The following SH3PXD2A variants were observed in gnomAD, a reference collection of about 807,000 sequenced individuals.
SH3PXD2A encodes the protein SH3 and PX domain-containing protein 2A.
Under a neutral mutation model 115.2 loss-of-function variants are expected in SH3PXD2A, and 32 were observed. That is an observed-to-expected ratio of 0.28 (90% CI 0.21 to 0.37). The LOEUF (loss-of-function observed/expected upper bound fraction) is 0.37, where lower values mean the gene tolerates loss of function less well. SH3PXD2A is among the 10% of genes least tolerant of loss of function. The pLI, the probability that SH3PXD2A is intolerant of heterozygous loss-of-function variation, is 1.00. For synonymous variants in SH3PXD2A, 610 were observed against 629.1 expected (o/e 0.97, Z 0.45); for missense variants, 1,328 against 1,498.7 (o/e 0.89, Z 1.88).
At chr10:103,690,326 A>G (rs550687117) in intron 6 of SH3PXD2A, among the ~76,000 whole-genome samples, 1 of 152,340 alleles carries the variant, frequency 6.6e-6, no homozygotes, top group East Asian at 1.9e-4. Context: ...TGAGGTGTGT[A>G]TTAGTCAGTG....
At chr10:103,826,115 A>C (rs2039428406) in intron 1 of SH3PXD2A, among the ~76,000 whole-genome samples, 1 of 152,174 alleles carries the variant, frequency 6.6e-6, no homozygotes. Context: ...AAGTATTGTC[A>C]GCAAGTTTTC....
rs923601658 is a variant in SH3PXD2A at position 103,612,705 on chromosome 10, A to G, written c.1258+148T>C. On this transcript the variant is annotated intron_variant, in intron 12 of 14. Coordinates refer to ENST00000369774, the MANE Select transcript of SH3PXD2A (RefSeq NM_001394015.1). ...CCACTCCTGTGATGAGCATGACACA[A>G]GTTGACAGAGTGAGGGTCAAAGGCC... The G allele has an allele frequency of 2.1e-5, 12 of 571,456 alleles. No homozygotes were observed. The East Asian group carries it at 2.7e-4, about 13-fold the overall frequency. 35.4% of individuals were successfully genotyped at this position (571,456 alleles called of 1,614,324 possible). A position where few individuals can be genotyped will look rare whatever the true frequency, so the allele number is the denominator to read the frequency against.
intron 3 of SH3PXD2A, among the ~76,000 whole-genome samples, chr10:103,752,612 A>C (rs1437354927): frequency 6.6e-6 from 1 of 152,222 alleles, no homozygotes; most frequent in Non-Finnish European, 1.5e-5. Flanking sequence ...TCCCTCACCA[A>C]GTTTTAGGAA....
At position 103,661,722 on chromosome 10, in the gene SH3PXD2A, C is replaced by A. The variant is rs1026196590; in HGVS notation, c.473-608G>T. On this transcript the variant is annotated intron_variant, in intron 7 of 14. Coordinates refer to ENST00000369774, the MANE Select transcript of SH3PXD2A (RefSeq NM_001394015.1). ...AGCTTCTCCACGGCCCAGGCCCAGG[C>A]GAGGAGTCAAGAGGGTTTGAGGCCG... 8 of 985,088 alleles carry A rather than the reference C, an allele frequency of 8.1e-6. No individual in the cohort carries two copies. The East Asian group carries it at 3.4e-4, about 42-fold the overall frequency. The allele number at this position is 985,088 out of a possible 1,614,324, so 61.0% of individuals were successfully genotyped here.
chr10:103,823,642 A>G (rs893550566), intron 1 of SH3PXD2A, among the ~76,000 whole-genome samples: 2 of 152,228 alleles, frequency 1.3e-5, no homozygotes, highest in African/African-American at 2.4e-5. Flanking sequence ...GACTTGCCCA[A>G]GGTCACACAG....
intron 2 of SH3PXD2A, among the ~76,000 whole-genome samples, chr10:103,782,553 C>A (rs537624250): frequency 1.8e-4 from 28 of 152,300 alleles, no homozygotes; most frequent in African/African-American, 6.5e-4. Context: ...ATTCATTCAA[C>A]AATGATTTCC....
chr10:103,667,177 G>GT (rs1234410538), intron 7 of SH3PXD2A, among the ~76,000 whole-genome samples: 1 of 152,138 alleles, frequency 6.6e-6, no homozygotes, highest in East Asian at 1.9e-4. Context: ...GTCTGGCTGG[G>GT]TTTTCCCCCA....
intron 3 of SH3PXD2A, among the ~76,000 whole-genome samples, chr10:103,745,006 A>T (rs141843720): frequency 3.9e-5 from 6 of 152,190 alleles, no homozygotes; most frequent in Non-Finnish European, 7.3e-5. Flanking sequence ...TCTGGGGCTG[A>T]TCATTAAGTA....
intron 10 of SH3PXD2A, among the ~76,000 whole-genome samples, chr10:103,618,998 G>C (rs2036562975): frequency 6.6e-6 from 1 of 152,230 alleles, no homozygotes; most frequent in Non-Finnish European, 1.5e-5. Flanking sequence ...TGTGAAGACA[G>C]AACTGATGGG....
chr10:103,771,195 T>G (rs990867702), intron 2 of SH3PXD2A, among the ~76,000 whole-genome samples: 2 of 152,190 alleles, frequency 1.3e-5, no homozygotes, highest in Non-Finnish European at 2.9e-5. Flanking sequence ...TCACCCAAGG[T>G]GCTATATCTC....
At chr10:103,781,533 C>A (rs1379061444) in intron 2 of SH3PXD2A, among the ~76,000 whole-genome samples, 1 of 152,184 alleles carries the variant, frequency 6.6e-6, no homozygotes, top group African/African-American at 2.4e-5. Context: ...CAGCAGTTAG[C>A]CTGCCCTGAC....
chr10:103,826,369 C>G (rs548207389), intron 1 of SH3PXD2A, among the ~76,000 whole-genome samples: 1 of 152,190 alleles, frequency 6.6e-6, no homozygotes, highest in Non-Finnish European at 1.5e-5. Flanking sequence ...AACCCAGATG[C>G]ATGTCCAGGT....
At chr10:103,793,334 T>C (rs1348294063) in intron 2 of SH3PXD2A, among the ~76,000 whole-genome samples, 4 of 152,236 alleles carry the variant, frequency 2.6e-5, no homozygotes, top group Non-Finnish European at 4.4e-5. Context: ...TCTTGGGTTT[T>C]TTTTTATATA....
chr10:103,794,371 G>GAC, intron 2 of SH3PXD2A, among the ~76,000 whole-genome samples: 1 of 152,294 alleles, frequency 6.6e-6, no homozygotes, highest in East Asian at 1.9e-4. Context: ...GCACTCGCTG[G>GAC]CCAGAGTTCA....
intron 3 of SH3PXD2A, among the ~76,000 whole-genome samples, chr10:103,738,697 A>G (rs1485034401): frequency 1.3e-5 from 2 of 152,198 alleles, no homozygotes; most frequent in Non-Finnish European, 2.9e-5. Context: ...GGAGATGGGA[A>G]GATAAATGGG....
At chr10:103,845,122 G>A (rs1227619696) in intron 1 of SH3PXD2A, among the ~76,000 whole-genome samples, 3 of 151,624 alleles carry the variant, frequency 2.0e-5, no homozygotes, top group East Asian at 1.9e-4. Flanking sequence ...TCAGGAGTTC[G>A]AGATCAGCCT....
intron 2 of SH3PXD2A, among the ~76,000 whole-genome samples, chr10:103,779,386 T>A (rs1213620888): frequency 1.3e-5 from 2 of 152,192 alleles, no homozygotes; most frequent in African/African-American, 2.4e-5. Context: ...ATCCTCCTGA[T>A]ACCCCCGTGT....
intron 11 of SH3PXD2A, among the ~76,000 whole-genome samples, 195 bp from the exon 12 acceptor site, chr10:103,613,385 T>C (rs2036460351): frequency 6.6e-6 from 1 of 152,176 alleles, no homozygotes; most frequent in East Asian, 1.9e-4. Flanking sequence ...CAATTCCCAC[T>C]GCCCCCCCAC....
At chr10:103,716,403 A>G (rs930838748) in intron 5 of SH3PXD2A, among the ~76,000 whole-genome samples, 2 of 152,172 alleles carry the variant, frequency 1.3e-5, no homozygotes, top group East Asian at 1.9e-4. Flanking sequence ...CCCTCGGAAC[A>G]TTGGGGCATT....
Sources: gnomAD v4.1 joint callset for allele counts (sites outside exome capture counted in the v4.1 genomes callset) on GRCh38, gnomAD v4.1.1 for gene constraint, MANE v1.5 for transcripts, NCBI Gene and HGNC (gene_info 2026-07-23, HGNC 2026-07-21) for gene names.